The following SUGCT variants were observed in gnomAD, a reference collection of about 807,000 sequenced individuals.
The protein encoded by SUGCT is succinyl-CoA:glutarate-CoA transferase, also known as succinyl-CoA:glutarate CoA-transferase.
A neutral mutation model predicts 55.0 loss-of-function variants in SUGCT; 41 were observed. That is an observed-to-expected ratio of 0.74 (90% confidence interval 0.58 to 0.97). The LOEUF (loss-of-function observed/expected upper bound fraction) is 0.97, where lower values mean the gene tolerates loss of function less well. SUGCT is among the 50% of genes least tolerant of loss of function. SUGCT has a pLI of 0.00. For synonymous variants in SUGCT, 187 were observed against 200.4 expected, an observed-to-expected ratio of 0.93 and a Z score of 0.56; for missense variants, 568 against 547.8, an observed-to-expected ratio of 1.04 and a Z score of -0.37.
At chr7:40,589,237 T>C (rs555003558) in intron 12 of SUGCT, among the ~76,000 whole-genome samples, 19 of 152,262 alleles carry the variant, frequency 1.2e-4, no homozygotes, top group African/African-American at 4.3e-4. Context: ...TTTCTTCTTA[T>C]AATTCCACTT....
At chr7:41,012,531 A>G in the SUGCT span, among the ~76,000 whole-genome samples, 1 of 152,212 alleles carries the variant, frequency 6.6e-6, no homozygotes, top group African/African-American at 2.4e-5. Context: ...TCAGCACCAT[A>G]CTTGCACATA....
chr7:40,615,066 A>G (rs1798933923), intron 12 of SUGCT, among the ~76,000 whole-genome samples: 1 of 152,102 alleles, frequency 6.6e-6, no homozygotes, highest in East Asian at 1.9e-4. Context: ...AAAAGAAAAA[A>G]AAAAAAGAAA....
chr7:40,837,860 C>T (rs560197434), intron 13 of SUGCT, among the ~76,000 whole-genome samples: 4 of 152,262 alleles, frequency 2.6e-5, no homozygotes, highest in East Asian at 1.9e-4. Context: ...GAGATCCACC[C>T]GCCTTGGCCT....
intron 12 of SUGCT, among the ~76,000 whole-genome samples, chr7:40,642,153 CACTGGCTTT>C (rs1178759845): frequency 6.6e-6 from 1 of 152,202 alleles, no homozygotes; most frequent in Non-Finnish European, 1.5e-5. Flanking sequence ...CCCTGACACT[CACTGGCTTT>C]TTAAAGCATG....
chr7:40,164,907 T>C lies in SUGCT; in HGVS notation c.101-16040T>C, dbSNP rs531694565. 1.2e-3 allele frequency among the ~76,000 whole-genome samples: 178 copies of C among 152,324 alleles called. 1 individual carries two copies. The highest frequency in any genetic ancestry group is 4.1e-3 in the African/African-American group (172 of 41,584). On this transcript the variant is annotated intron_variant, in intron 1 of 13. Transcript: ENST00000335693. ...TTATTGCCTGCTGACTCCCAAATTATTATTTCCCTGGAATGTCTTCCAGTG... is the reference window on the plus strand; with the variant it reads ...TTATTGCCTGCTGACTCCCAAATTACTATTTCCCTGGAATGTCTTCCAGTG...
intron 7 of SUGCT, among the ~76,000 whole-genome samples, chr7:40,272,626 T>C (rs980627277): frequency 2.6e-5 from 4 of 151,448 alleles, no homozygotes; most frequent in Non-Finnish European, 4.4e-5. Flanking sequence ...AGCTGTGGAA[T>C]TGCTGGATCA....
At chr7:40,379,834 A>G (rs1784783284) in intron 9 of SUGCT, among the ~76,000 whole-genome samples, 1 of 152,200 alleles carries the variant, frequency 6.6e-6, no homozygotes, top group African/African-American at 2.4e-5. Flanking sequence ...AGCCCTGGGC[A>G]TGCAAACGTT....
At chr7:40,340,814 C>G (rs1797003423) in intron 9 of SUGCT, among the ~76,000 whole-genome samples, 1 of 152,048 alleles carries the variant, frequency 6.6e-6, no homozygotes, top group South Asian at 2.1e-4. Context: ...GCTTGATGAT[C>G]AGGGTGCTCA....
At chr7:40,829,120 G>A (rs560499292) in intron 13 of SUGCT, among the ~76,000 whole-genome samples, 1 of 152,278 alleles carries the variant, frequency 6.6e-6, no homozygotes, top group Admixed American at 6.5e-5. Context: ...GTTTACAAAT[G>A]CCATGGCAAC....
the SUGCT span, among the ~76,000 whole-genome samples, chr7:41,024,845 A>G: frequency 8.3e-4 from 126 of 152,298 alleles, no homozygotes; most frequent in African/African-American, 3.0e-3. Flanking sequence ...TGAGAAATAT[A>G]TGCACGAGAA....
chr7:40,662,876 C>T (rs905215996), intron 12 of SUGCT, among the ~76,000 whole-genome samples: 3 of 152,018 alleles, frequency 2.0e-5, no homozygotes, highest in African/African-American at 4.8e-5. Context: ...AATCCTTTTT[C>T]GTTTGCTTCT....
intron 12 of SUGCT, among the ~76,000 whole-genome samples, chr7:40,642,247 T>G (rs1800300903): frequency 6.6e-6 from 1 of 152,210 alleles, no homozygotes; most frequent in South Asian, 2.1e-4. Flanking sequence ...TTTATATACT[T>G]TCGATGATGT....
intron 12 of SUGCT, among the ~76,000 whole-genome samples, chr7:40,702,490 C>T (rs1420503725): frequency 1.3e-5 from 2 of 152,208 alleles, no homozygotes; most frequent in East Asian, 3.8e-4. Context: ...TTCTCTGCTT[C>T]TTGGACTATG....
intron 9 of SUGCT, among the ~76,000 whole-genome samples, chr7:40,384,478 G>A (rs1785017650): frequency 6.6e-6 from 1 of 151,828 alleles, no homozygotes; most frequent in African/African-American, 2.4e-5. Context: ...GTTCCCTGTG[G>A]TTTGTTATCA....
At chr7:40,828,870 A>G (rs933680573) in intron 13 of SUGCT, among the ~76,000 whole-genome samples, 5 of 152,128 alleles carry the variant, frequency 3.3e-5, no homozygotes, top group Admixed American at 6.5e-5. Flanking sequence ...GGAGAAGGAA[A>G]AAGAAGCGGT....
intron 8 of SUGCT, among the ~76,000 whole-genome samples, chr7:40,289,078 C>G (rs946370713): frequency 6.6e-6 from 1 of 152,156 alleles, no homozygotes; most frequent in African/African-American, 2.4e-5. Context: ...AAAATAGTCT[C>G]CAAAGATGTC....
the SUGCT span, among the ~76,000 whole-genome samples, chr7:40,901,041 G>GT: frequency 2.0e-5 from 3 of 152,168 alleles, no homozygotes; most frequent in Non-Finnish European, 2.9e-5. Context: ...GAGTGAGGTA[G>GT]TGTTTCCCAA....
intron 6 of SUGCT, among the ~76,000 whole-genome samples, chr7:40,221,271 G>C (rs145645520): frequency 6.6e-6 from 1 of 151,124 alleles, no homozygotes; most frequent in Non-Finnish European, 1.5e-5. Flanking sequence ...AAAATTAGCC[G>C]GGCATGGTGG....
At chr7:40,885,000 C>A in the SUGCT span, among the ~76,000 whole-genome samples, 1 of 152,068 alleles carries the variant, frequency 6.6e-6, no homozygotes, top group Non-Finnish European at 1.5e-5. Flanking sequence ...ACCTTGGTTT[C>A]CTCATTATTA....
Sources: allele counts gnomAD v4.1 joint callset (sites outside exome capture counted in the v4.1 genomes callset), GRCh38; gene constraint gnomAD v4.1.1; transcripts MANE v1.5; gene names NCBI Gene and HGNC (gene_info 2026-07-23, HGNC 2026-07-21).